GPR158: variants seen among roughly 807,000 people sequenced by gnomAD.
GPR158 encodes metabotropic glycine receptor.
In GPR158, 30 loss-of-function variants were observed where a neutral mutation model predicts 78.2. That is an observed-to-expected ratio of 0.38 (90% CI 0.29 to 0.52). The LOEUF (loss-of-function observed/expected upper bound fraction) is 0.52. GPR158 is among the 20% of genes least tolerant of loss of function. The probability of loss-of-function intolerance (pLI) is 0.83; values close to 1 mark genes in which losing one functional copy is unlikely to be tolerated. For synonymous variants in GPR158, 581 were observed against 591.1 expected (o/e 0.98, Z 0.25); for missense variants, 1,463 against 1,523.5 (o/e 0.96, Z 0.66).
chr10:25,400,715 G>A (rs1460717566), intron 3 of GPR158, among the ~76,000 whole-genome samples: 1 of 152,094 alleles, frequency 6.6e-6, no homozygotes, highest in Non-Finnish European at 1.5e-5. Flanking sequence ...ATCTTAGTAT[G>A]GATTCTGTCT....
intron 1 of GPR158, among the ~76,000 whole-genome samples, chr10:25,192,209 T>C (rs867594830): frequency 6.6e-6 from 1 of 152,142 alleles, no homozygotes; most frequent in East Asian, 1.9e-4. Flanking sequence ...TGTGTAGTAG[T>C]CCCTCCTGGG....
At chr10:25,520,528 A>T (rs1248872571) in intron 5 of GPR158, among the ~76,000 whole-genome samples, 3 of 149,366 alleles carry the variant, frequency 2.0e-5, no homozygotes, top group Non-Finnish European at 2.9e-5. Flanking sequence ...GTCTTTGATG[A>T]TGGTGATGTA....
intron 4 of GPR158, among the ~76,000 whole-genome samples, chr10:25,436,175 G>A (rs1834995086): frequency 6.6e-6 from 1 of 152,200 alleles, no homozygotes; most frequent in South Asian, 2.1e-4. Flanking sequence ...TAATGTTATA[G>A]CATAAGTGTG....
intron 4 of GPR158, among the ~76,000 whole-genome samples, chr10:25,430,606 A>G (rs1834888397): frequency 6.6e-6 from 1 of 151,218 alleles, no homozygotes; most frequent in African/African-American, 2.4e-5. Context: ...ACCTAACTTC[A>G]AACTATACTA....
chr10:25,448,274 T>A (rs1024236588), intron 4 of GPR158, among the ~76,000 whole-genome samples: 1 of 151,694 alleles, frequency 6.6e-6, no homozygotes, highest in East Asian at 1.9e-4. Flanking sequence ...TTTTTTTTAG[T>A]AGAGACGGGG....
chr10:25,439,968 C>CATTTCA (rs1835046963), intron 4 of GPR158, among the ~76,000 whole-genome samples: 1 of 152,172 alleles, frequency 6.6e-6, no homozygotes, highest in Non-Finnish European at 1.5e-5. Flanking sequence ...TAGAAATGAG[C>CATTTCA]TTTCATGAAA....
chr10:25,551,281 T>A (rs1287195093), intron 6 of GPR158, among the ~76,000 whole-genome samples, 196 bp downstream of exon 6: 1 of 152,210 alleles, frequency 6.6e-6, no homozygotes, highest in Non-Finnish European at 1.5e-5. Context: ...CTGAATTGTT[T>A]GAACAAGATG....
At chr10:25,211,140 G>T (rs202041131) in intron 1 of GPR158, among the ~76,000 whole-genome samples, 1 of 125,566 alleles carries the variant, frequency 8.0e-6, no homozygotes, top group Non-Finnish European at 1.8e-5. Flanking sequence ...CAAGAAAAAA[G>T]AAAAAAAAAA....
intron 5 of GPR158, among the ~76,000 whole-genome samples, chr10:25,496,138 C>T (rs1835877698): frequency 6.6e-6 from 1 of 152,118 alleles, no homozygotes; most frequent in Non-Finnish European, 1.5e-5. Flanking sequence ...TATTAATGTC[C>T]TCTATTACAC....
chr10:25,462,602 A>G (rs1440882315), intron 4 of GPR158, among the ~76,000 whole-genome samples: 1 of 152,244 alleles, frequency 6.6e-6, no homozygotes, highest in African/African-American at 2.4e-5. Context: ...TTTATGATTC[A>G]TGGGAGATCA....
At chr10:25,183,158 C>T (rs765180309) in intron 1 of GPR158, among the ~76,000 whole-genome samples, 13 of 152,058 alleles carry the variant, frequency 8.5e-5, no homozygotes, top group Non-Finnish European at 1.6e-4. Context: ...TGCAATTACT[C>T]TCCTGAGTCT....
intron 2 of GPR158, among the ~76,000 whole-genome samples, chr10:25,257,244 T>C (rs1853900458): frequency 6.6e-6 from 1 of 152,162 alleles, no homozygotes; most frequent in Non-Finnish European, 1.5e-5. Context: ...ACTCCTGTAA[T>C]AGGAGCATTA....
intron 5 of GPR158, among the ~76,000 whole-genome samples, chr10:25,477,317 T>G (rs1300584489): frequency 1.3e-5 from 2 of 152,190 alleles, no homozygotes; most frequent in Non-Finnish European, 2.9e-5. Flanking sequence ...TATTATTGTT[T>G]ATTTTCATTG....
chr10:25,477,762 G>C (rs1835608968), intron 5 of GPR158, among the ~76,000 whole-genome samples: 1 of 152,154 alleles, frequency 6.6e-6, no homozygotes, highest in Admixed American at 6.6e-5. Context: ...GCCGTTTTAT[G>C]TTAACATAGC....
chr10:25,543,892 A>G (rs1307314375), intron 5 of GPR158, among the ~76,000 whole-genome samples: 1 of 152,186 alleles, frequency 6.6e-6, no homozygotes, highest in Non-Finnish European at 1.5e-5. Context: ...AAGTCCTTCA[A>G]ACACACACCG....
intron 4 of GPR158, among the ~76,000 whole-genome samples, chr10:25,428,515 A>G (rs1834853254): frequency 6.6e-6 from 1 of 152,056 alleles, no homozygotes; most frequent in African/African-American, 2.4e-5. Flanking sequence ...TGAGATTAAA[A>G]AGCATATGTA....
chr10:25,452,511 C>G (rs1341137120), intron 4 of GPR158, among the ~76,000 whole-genome samples: 1 of 152,138 alleles, frequency 6.6e-6, no homozygotes, highest in African/African-American at 2.4e-5. Context: ...CCCAGCATGT[C>G]ATGGCACTTG....
At chr10:25,452,017 T>G (rs34854403) in intron 4 of GPR158, among the ~76,000 whole-genome samples, 31 of 151,154 alleles carry the variant, frequency 2.1e-4, no homozygotes, top group African/African-American at 3.6e-4. Context: ...TTTTGTTTTG[T>G]TTTGGTTTGG....
At chr10:25,422,818 A>G (rs556838454) in intron 4 of GPR158, among the ~76,000 whole-genome samples, 1 of 150,980 alleles carries the variant, frequency 6.6e-6, no homozygotes, top group South Asian at 2.1e-4. Flanking sequence ...AGCAGTGTAC[A>G]CTGTACCTAA....
Sources: allele counts gnomAD v4.1 joint callset (sites outside exome capture counted in the v4.1 genomes callset), GRCh38; gene constraint gnomAD v4.1.1; transcripts MANE v1.5; gene names NCBI Gene and HGNC (gene_info 2026-07-23, HGNC 2026-07-21).